Variants in CDH12 observed in about 807,000 individuals in gnomAD.
CDH12 encodes the protein cadherin 12.
A neutral mutation model predicts 74.1 loss-of-function variants in CDH12; 41 were observed. That is an observed-to-expected ratio of 0.55 (90% CI 0.43 to 0.72). The LOEUF is 0.72. Ranked by LOEUF, CDH12 falls within the 30% of genes least tolerant of loss-of-function variation. The pLI is 0.00. For synonymous variants in CDH12, 399 were observed against 355.0 expected (o/e 1.12, Z -1.39); for missense variants, 945 against 977.2 (o/e 0.97, Z 0.44).
intron 3 of CDH12, among the ~76,000 whole-genome samples, chr5:22,334,565 G>T: frequency 6.6e-6 from 1 of 152,022 alleles, no homozygotes; most frequent in Non-Finnish European, 1.5e-5. Context: ...TGAACAAAAA[G>T]AACACAACTG....
intron 1 of CDH12, among the ~76,000 whole-genome samples, chr5:22,565,600 A>C (rs942033223): frequency 2.0e-5 from 3 of 152,180 alleles, no homozygotes; most frequent in African/African-American, 7.2e-5. Context: ...GAAAAGAAAG[A>C]GAAGTAAGAG....
intron 1 of CDH12, among the ~76,000 whole-genome samples, chr5:22,524,992 A>C (rs1308214877): frequency 7.6e-6 from 1 of 131,628 alleles, no homozygotes; most frequent in Admixed American, 8.9e-5. Flanking sequence ...CCAGTGTGTG[A>C]TGTTCCCCTT....
In CDH12 at chr5:22,479,124, C is replaced by T. The variant is rs572024996; in HGVS notation, c.-428+26146G>A. On this transcript the variant is annotated intron_variant, in intron 2 of 14. Transcript: ENST00000382254. ...GGCCTACAGCAGCAGGTCTGCCCTGCTATTACTGAGGAAGGTATTTATCAT... is the reference window on the plus strand; with the variant it reads ...GGCCTACAGCAGCAGGTCTGCCCTGTTATTACTGAGGAAGGTATTTATCAT... 9.1e-4 allele frequency among the ~76,000 whole-genome samples: 138 copies of T among 152,174 alleles called. 1 individual carries two copies. Among genetic ancestry groups the T allele is most frequent in the Non-Finnish European group, 3.2e-4 (22 of 68,020 alleles).
intron 5 of CDH12, among the ~76,000 whole-genome samples, chr5:21,998,179 C>T (rs1022378474): frequency 2.6e-5 from 4 of 151,862 alleles, no homozygotes; most frequent in African/African-American, 9.7e-5. Context: ...TTCCTTGGCT[C>T]TATGTATTTA....
chr5:21,763,604 C>A (rs1323543592), intron 12 of CDH12, among the ~76,000 whole-genome samples: 1 of 152,102 alleles, frequency 6.6e-6, no homozygotes, highest in Non-Finnish European at 1.5e-5. Flanking sequence ...CCAAAGCATA[C>A]CAATGCATTT....
chr5:22,205,364 A>G (rs2150357893), intron 4 of CDH12, among the ~76,000 whole-genome samples: 1 of 152,298 alleles, frequency 6.6e-6, no homozygotes, highest in Admixed American at 6.5e-5. Flanking sequence ...ACAATAATCA[A>G]ATAAATTTAA....
chr5:22,045,617 A>C (rs1476507033), intron 5 of CDH12, among the ~76,000 whole-genome samples: 1 of 151,338 alleles, frequency 6.6e-6, no homozygotes, highest in Admixed American at 6.6e-5. Flanking sequence ...AAAAAAAAAA[A>C]CAATAAAATC....
intron 6 of CDH12, among the ~76,000 whole-genome samples, chr5:21,936,810 G>T (rs1755093536): frequency 6.6e-6 from 1 of 152,022 alleles, no homozygotes; most frequent in African/African-American, 2.4e-5. Context: ...GGGTTCTCAG[G>T]AGATCTGATG....
At chr5:22,207,332 CT>C (rs1472800566) in intron 4 of CDH12, among the ~76,000 whole-genome samples, 3 of 151,374 alleles carry the variant, frequency 2.0e-5, no homozygotes, top group Admixed American at 2.0e-4. Flanking sequence ...AGTCAGCAAA[CT>C]TTTTCTGTGA....
intron 4 of CDH12, among the ~76,000 whole-genome samples, chr5:22,114,105 A>G (rs1404517807): frequency 6.6e-6 from 1 of 152,110 alleles, no homozygotes; most frequent in African/African-American, 2.4e-5. Flanking sequence ...CTGCATCCCC[A>G]CAGGAAACAG....
At chr5:22,684,826 T>A (rs997063368) in intron 1 of CDH12, among the ~76,000 whole-genome samples, 1 of 152,210 alleles carries the variant, frequency 6.6e-6, no homozygotes, top group African/African-American at 2.4e-5. Flanking sequence ...ATGGTTTTTA[T>A]TCTTCAATCA....
At chr5:22,159,851 T>C (rs1171497596) in intron 4 of CDH12, among the ~76,000 whole-genome samples, 1 of 152,160 alleles carries the variant, frequency 6.6e-6, no homozygotes, top group African/African-American at 2.4e-5. Flanking sequence ...TTATTACTCC[T>C]TACTGAAAAA....
intron 1 of CDH12, among the ~76,000 whole-genome samples, chr5:22,824,281 C>G (rs1309960420): frequency 2.6e-5 from 4 of 151,954 alleles, no homozygotes; most frequent in Non-Finnish European, 5.9e-5. Context: ...CAAACCCTCC[C>G]AAATATAATT....
At chr5:22,710,289 T>C (rs1743224167) in intron 1 of CDH12, among the ~76,000 whole-genome samples, 1 of 152,162 alleles carries the variant, frequency 6.6e-6, no homozygotes, top group South Asian at 2.1e-4. Flanking sequence ...AAATATACAG[T>C]TAGGAGAAAT....
intron 3 of CDH12, among the ~76,000 whole-genome samples, chr5:22,290,095 T>A (rs1737316775): frequency 6.6e-6 from 1 of 152,140 alleles, no homozygotes; most frequent in South Asian, 2.1e-4. Context: ...GCCAGCCACG[T>A]CTATCGTAGG....
intron 1 of CDH12, among the ~76,000 whole-genome samples, chr5:22,755,001 G>A (rs1240953137): frequency 2.6e-5 from 4 of 151,940 alleles, no homozygotes; most frequent in African/African-American, 9.7e-5. Flanking sequence ...TTTTTTCTAT[G>A]TCACTTACAA....
chr5:21,799,035 A>G (rs574521085), intron 10 of CDH12, among the ~76,000 whole-genome samples: 20 of 152,334 alleles, frequency 1.3e-4, no homozygotes, highest in Middle Eastern at 3.4e-3. Flanking sequence ...AGAGAACTGT[A>G]GAGAAAGATT....
intron 12 of CDH12, among the ~76,000 whole-genome samples, chr5:21,763,924 C>T (rs142755819): frequency 3.3e-5 from 5 of 152,276 alleles, no homozygotes; most frequent in Non-Finnish European, 2.9e-5. Flanking sequence ...ATGTTCTCCT[C>T]AAGGCCACCA....
chr5:22,612,379 C>T (rs1200880203), intron 1 of CDH12, among the ~76,000 whole-genome samples: 2 of 152,016 alleles, frequency 1.3e-5, no homozygotes, highest in Non-Finnish European at 2.9e-5. Context: ...TATCTTTGTG[C>T]AGATATCTTA....
Sources: gnomAD v4.1 joint callset for allele counts (sites outside exome capture counted in the v4.1 genomes callset) on GRCh38, gnomAD v4.1.1 for gene constraint, MANE v1.5 for transcripts, NCBI Gene and HGNC (gene_info 2026-07-23, HGNC 2026-07-21) for gene names.